The following DAB2IP variants were observed in gnomAD, a reference collection of about 807,000 sequenced individuals.
The protein encoded by DAB2IP is disabled homolog 2-interacting protein.
A neutral mutation model predicts 107.2 loss-of-function variants in DAB2IP; 28 were observed. The observed-to-expected ratio is 0.26, with a 90% CI of 0.19 to 0.36. The LOEUF is 0.36. Ranked by LOEUF, DAB2IP falls within the 10% of genes least tolerant of loss-of-function variation. The pLI, the probability that DAB2IP is intolerant of heterozygous loss-of-function variation, is 1.00. For synonymous variants in DAB2IP, 755 were observed against 706.4 expected, an observed-to-expected ratio of 1.07 and a Z score of -1.09; for missense variants, 1,400 against 1,644.7, an observed-to-expected ratio of 0.85 and a Z score of 2.57.
In DAB2IP at chr9:121,642,029, C is replaced by CTCCCTCTCTCTTTCTTTCTT. The variant is rs1832357161; in HGVS notation, c.41-36647_41-36646insCCTCTCTCTTTCTTTCTTTC. Among the ~76,000 whole-genome samples, 18 of 26,722 alleles carry CTCCCTCTCTCTTTCTTTCTT rather than the reference C, an allele frequency of 6.7e-4. 1 individual carries two copies. Among genetic ancestry groups the CTCCCTCTCTCTTTCTTTCTT allele is most frequent in the Non-Finnish European group, 1.3e-3 (18 of 13,442 alleles). The allele number at this position is 26,722 out of a possible 152,430, so 17.5% of individuals were successfully genotyped here. A position where few individuals can be genotyped will look rare whatever the true frequency, so the allele number is the denominator to read the frequency against. ...TCTCTCTCTCTCTCTCTCTCTCTCT[C>CTCCCTCTCTCTTTCTTTCTT]TCTTTCTTTCTTTCTTTCTTTCTTT... On this transcript the variant is annotated intron_variant, in intron 1 of 16. Coordinates refer to the DAB2IP transcript ENST00000259371.
intron 1 of DAB2IP, among the ~76,000 whole-genome samples, chr9:121,569,753 A>G (rs996665948): frequency 2.0e-5 from 3 of 152,242 alleles, no homozygotes; most frequent in African/African-American, 7.2e-5. Flanking sequence ...CTCGGGAGGC[A>G]AAAGCTACAG....
chr9:121,611,425 G>A (rs1350567385), intron 1 of DAB2IP, among the ~76,000 whole-genome samples: 1 of 152,116 alleles, frequency 6.6e-6, no homozygotes, highest in Non-Finnish European at 1.5e-5. Context: ...TGTGTGTGTG[G>A]TCTAAGGTCC....
chr9:121,678,879 C>G (rs1327207239), intron 2 of DAB2IP, 98 bp downstream of exon 2: 1 of 1,155,368 alleles, frequency 8.7e-7, no homozygotes, highest in Non-Finnish European at 1.2e-6. Flanking sequence ...TTCCTGGAGC[C>G]TCATGGACCC....
At chr9:121,692,261 A>C (rs950939904) in intron 2 of DAB2IP, among the ~76,000 whole-genome samples, 1 of 151,974 alleles carries the variant, frequency 6.6e-6, no homozygotes, top group African/African-American at 2.4e-5. Context: ...TGTATGTTTC[A>C]TGGCTGTGTA....
intron 1 of DAB2IP, among the ~76,000 whole-genome samples, chr9:121,664,996 T>C (rs1297838934): frequency 1.3e-5 from 2 of 152,252 alleles, no homozygotes; most frequent in Admixed American, 1.3e-4. Context: ...AAATTCAGTT[T>C]TGCTTTAGTA....
At chr9:121,656,597 C>T (rs1483092263) in intron 1 of DAB2IP, among the ~76,000 whole-genome samples, 2 of 152,196 alleles carry the variant, frequency 1.3e-5, no homozygotes, top group African/African-American at 4.8e-5. Context: ...CCCTTACATA[C>T]CTCAAGGATT....
In DAB2IP at chr9:121,760,007, G is replaced by T. The variant is rs757069664; in HGVS notation, c.738G>T (p.Thr246=). 6.2e-7 allele frequency: 1 copy of T among 1,614,078 alleles called. No individual in the cohort carries two copies. Among genetic ancestry groups the T allele is most frequent in the African/African-American group, 1.3e-5 (1 of 74,938 alleles). Residue 246 remains threonine, a synonymous_variant, in exon 6 of 16, where the codon ACG becomes ACT. Transcript: ENST00000408936. This position sits in a 1 kb window ranked among gnomAD's most constrained non-coding sequence, Gnocchi z 5.9. ...ACGATGTGCTCTATGCCCGCACCAC[G>T]GGCAAGCTCAAGACGGACAATGTTT...
At chr9:121,649,267 T>C (rs1332154074), upstream of DAB2IP, among the ~76,000 whole-genome samples, 1 of 144,588 alleles carries the variant, frequency 6.9e-6, no homozygotes, top group Non-Finnish European at 1.6e-5. Flanking sequence ...GTCCATACGT[T>C]CTCCCTATAG....
At chr9:121,586,738 T>C (rs1830321582) in intron 1 of DAB2IP, among the ~76,000 whole-genome samples, 1 of 152,036 alleles carries the variant, frequency 6.6e-6, no homozygotes, top group East Asian at 1.9e-4. Flanking sequence ...GAGGATCGCT[T>C]TAGCCTGGGA....
chr9:121,651,968 T>C lies in DAB2IP; in HGVS notation c.124+69T>C. On this transcript the variant is annotated intron_variant, in intron 1 of 15. Transcript: ENST00000408936. The surrounding 1 kb of genome is among the most constrained non-coding windows in gnomAD (Gnocchi z 5.1). ...CACTAAGCCACCTGATGCCCTGGGA[T>C]GCTAGGGACCGGGATCCTCCTTCCA... 1 of 1,205,810 alleles carries C rather than the reference T, an allele frequency of 8.3e-7. No individual in the cohort carries two copies. The allele number at this position is 1,205,810 out of a possible 1,614,324, so 74.7% of individuals were successfully genotyped here. A position where few individuals can be genotyped will look rare whatever the true frequency, so the allele number is the denominator to read the frequency against.
At chr9:121,758,369 G>A (rs1352829654) in intron 4 of DAB2IP, among the ~76,000 whole-genome samples, 1 of 152,164 alleles carries the variant, frequency 6.6e-6, no homozygotes, top group Non-Finnish European at 1.5e-5. Context: ...CTCCAGTCTG[G>A]CATAAAAAAT....
chr9:121,622,186 C>A (rs1247469480), intron 1 of DAB2IP, among the ~76,000 whole-genome samples: 3 of 151,926 alleles, frequency 2.0e-5, no homozygotes, highest in Admixed American at 2.0e-4. Flanking sequence ...GATGGAGTTT[C>A]ACCGTGTTGG....
intron 3 of DAB2IP, among the ~76,000 whole-genome samples, chr9:121,728,929 G>A (rs889709988): frequency 1.3e-5 from 2 of 152,130 alleles, no homozygotes; most frequent in Non-Finnish European, 2.9e-5. Context: ...AATTATAGGT[G>A]GCCTCATCTG....
In DAB2IP at chr9:121,782,029, A is replaced by G. The variant is rs181498577; in HGVS notation, c.3403-302A>G. On this transcript the variant is annotated intron_variant, in intron 15 of 15. Coordinates refer to ENST00000408936, the Ensembl canonical transcript of DAB2IP. The surrounding 1 kb of genome is among the most constrained non-coding windows in gnomAD (Gnocchi z 6.1). ...GCTCAGGCTGTAAACTGCACAGACC[A>G]GGAGCTGTGACCTCTGGTGTGTCAT... Among the ~76,000 whole-genome samples the G allele has an allele frequency of 2.0e-5, 3 of 152,320 alleles. No homozygotes were observed. The highest frequency in any genetic ancestry group is 1.3e-4 in the Admixed American group (2 of 15,304).
At position 121,612,326 on chromosome 9, in the gene DAB2IP, C is replaced by CA. The variant is rs144182186; in HGVS notation, c.40+45107dup. Among the ~76,000 whole-genome samples the CA allele has an allele frequency of 4.3e-3, 643 of 150,374 alleles. 5 individuals are homozygous for CA. The highest frequency in any genetic ancestry group is 5.9e-3 in the Admixed American group (89 of 15,084). On this transcript the variant is annotated intron_variant, in intron 1 of 16. Coordinates refer to the DAB2IP transcript ENST00000259371. ...TTGGTAGCAGAGTGAGACCCTGCCT[C>CA]AAAAAAAAATTATTATTTTTAATGT...
intron 1 of DAB2IP, among the ~76,000 whole-genome samples, chr9:121,652,945 G>A (rs1022697445): frequency 6.6e-6 from 1 of 152,140 alleles, no homozygotes; most frequent in Non-Finnish European, 1.5e-5. Context: ...GGTCTGAGTA[G>A]CACTGTGCAG....
At chr9:121,713,014 A>G (rs1374453029) in intron 3 of DAB2IP, among the ~76,000 whole-genome samples, 6 of 152,210 alleles carry the variant, frequency 3.9e-5, no homozygotes, top group Non-Finnish European at 7.4e-5. Flanking sequence ...CTTGGAGGAC[A>G]GTGCCAACTC....
intron 3 of DAB2IP, among the ~76,000 whole-genome samples, chr9:121,745,318 A>T (rs557893034): frequency 4.6e-5 from 7 of 152,220 alleles, no homozygotes; most frequent in African/African-American, 1.7e-4. Flanking sequence ...CAGCAGGAGG[A>T]ACTCAGCAGC....
chr9:121,585,594 C>T lies in DAB2IP; in HGVS notation c.40+18366C>T, dbSNP rs183693318. On this transcript the variant is annotated intron_variant, in intron 1 of 16. Coordinates refer to the DAB2IP transcript ENST00000259371. ...AAGATTGGCTGGGCGCGGTGGCTCA[C>T]GCCTATAATCCCAGCACTTTGGGAG... 1.7e-3 allele frequency among the ~76,000 whole-genome samples: 257 copies of T among 152,292 alleles called. 1 individual carries two copies. Among genetic ancestry groups the T allele is most frequent in the Non-Finnish European group, 2.7e-3 (183 of 68,032 alleles).
Sources: gnomAD v4.1 joint callset for allele counts (sites outside exome capture counted in the v4.1 genomes callset) on GRCh38, gnomAD v4.1.1 for gene constraint, Gnocchi (gnomAD v3.1) non-coding constraint, MANE v1.5 for transcripts, NCBI Gene and HGNC (gene_info 2026-07-23, HGNC 2026-07-21) for gene names.